Variants in SNTG1 observed in about 807,000 individuals in gnomAD.
The protein encoded by SNTG1 is syntrophin gamma 1.
In SNTG1, 39 loss-of-function variants were observed where a neutral mutation model predicts 74.7. That is an observed-to-expected ratio of 0.52 (90% confidence interval 0.40 to 0.68). The LOEUF is 0.68. Among genes scored for constraint, SNTG1 ranks in the 30% least tolerant of loss-of-function variants. SNTG1 has a pLI of 0.00. For missense variants in SNTG1, 685 were observed against 609.5 expected (o/e 1.12, Z -1.30); for synonymous variants, 254 against 217.1 (o/e 1.17, Z -1.49).
At chr8:50,353,592 T>C (rs2091733344) in intron 2 of SNTG1, among the ~76,000 whole-genome samples, 1 of 152,180 alleles carries the variant, frequency 6.6e-6, no homozygotes, top group Non-Finnish European at 1.5e-5. Flanking sequence ...ACAAGTGAGT[T>C]TGGGCTTTGC....
chr8:50,311,628 A>G (rs923984639), intron 2 of SNTG1, among the ~76,000 whole-genome samples: 1 of 152,208 alleles, frequency 6.6e-6, no homozygotes, highest in Non-Finnish European at 1.5e-5. Flanking sequence ...AATTCTGAAA[A>G]TATATTTCAA....
intron 1 of SNTG1, among the ~76,000 whole-genome samples, chr8:49,978,054 T>C (rs1398009414): frequency 6.6e-6 from 1 of 152,212 alleles, no homozygotes; most frequent in Non-Finnish European, 1.5e-5. Context: ...ACGGGGCCTG[T>C]TGCCAACCCA....
chr8:50,081,803 T>C (rs189345402), intron 1 of SNTG1, among the ~76,000 whole-genome samples: 1 of 152,198 alleles, frequency 6.6e-6, no homozygotes, highest in East Asian at 1.9e-4. Flanking sequence ...CCGACTAATT[T>C]TGTATTTTTA....
chr8:50,513,479 G>T (rs1224100895), intron 9 of SNTG1, among the ~76,000 whole-genome samples: 1 of 152,232 alleles, frequency 6.6e-6, no homozygotes, highest in African/African-American at 2.4e-5. Flanking sequence ...AGAGGATTCT[G>T]CTGCCTTTTG....
chr8:49,925,460 G>A (rs574652234), intron 1 of SNTG1, among the ~76,000 whole-genome samples: 2 of 152,106 alleles, frequency 1.3e-5, no homozygotes, highest in Non-Finnish European at 2.9e-5. Context: ...CTGTCTGTCT[G>A]TCTGTCTGTC....
chr8:50,070,403 A>T (rs1821265684), intron 1 of SNTG1, among the ~76,000 whole-genome samples: 1 of 152,202 alleles, frequency 6.6e-6, no homozygotes, highest in African/African-American at 2.4e-5. Context: ...TCCACTAAAA[A>T]CTAAAAGCAT....
At chr8:49,924,088 G>C (rs1485255124) in intron 1 of SNTG1, among the ~76,000 whole-genome samples, 1 of 152,030 alleles carries the variant, frequency 6.6e-6, no homozygotes, top group Non-Finnish European at 1.5e-5. Flanking sequence ...AATGAATAGG[G>C]TTAGTCTATC....
At chr8:50,700,663 T>C (rs2095420390) in intron 15 of SNTG1, among the ~76,000 whole-genome samples, 1 of 151,148 alleles carries the variant, frequency 6.6e-6, no homozygotes, top group Admixed American at 6.6e-5. Context: ...CTACAGTCTC[T>C]CCCTACAATA....
chr8:50,266,573 A>T (rs1369703084), intron 2 of SNTG1, among the ~76,000 whole-genome samples: 3 of 151,344 alleles, frequency 2.0e-5, no homozygotes, highest in African/African-American at 4.8e-5. Flanking sequence ...ATGAATAAAT[A>T]TAAATAAATT....
intron 8 of SNTG1, among the ~76,000 whole-genome samples, chr8:50,464,620 A>T (rs1035561129): frequency 4.6e-5 from 7 of 151,994 alleles, no homozygotes; most frequent in African/African-American, 1.7e-4. Context: ...AACAACTAAG[A>T]TCACCGATCA....
In SNTG1 at chr8:50,545,909, C is replaced by G. The variant is rs538687690; in HGVS notation, c.681-7141C>G. Reference sequence around the variant, plus strand: ...ACAATCTTAGCAAATGGGTCTCTAACAATAAAGCGAAATATGAATCTGACT... The same window carrying G: ...ACAATCTTAGCAAATGGGTCTCTAAGAATAAAGCGAAATATGAATCTGACT... On this transcript the variant is annotated intron_variant, in intron 11 of 18. Coordinates refer to ENST00000642720, the MANE Select transcript of SNTG1 (RefSeq NM_018967.5). 3.3e-5 allele frequency among the ~76,000 whole-genome samples: 5 copies of G among 152,036 alleles called. No individual in the cohort carries two copies. The South Asian group carries it at 1.0e-3, about 32-fold the overall frequency.
chr8:50,277,103 C>T (rs1333332538), intron 2 of SNTG1, among the ~76,000 whole-genome samples: 2 of 152,086 alleles, frequency 1.3e-5, no homozygotes, highest in Non-Finnish European at 2.9e-5. Context: ...GCTGGGATTA[C>T]AGGCGTGAGC....
intron 17 of SNTG1, among the ~76,000 whole-genome samples, chr8:50,745,593 G>C (rs1446893447): frequency 6.6e-6 from 1 of 151,950 alleles, no homozygotes; most frequent in Non-Finnish European, 1.5e-5. Context: ...GACTTAAACA[G>C]ATACTTGTAC....
intron 1 of SNTG1, among the ~76,000 whole-genome samples, chr8:49,974,414 T>G (rs1276618456): frequency 2.0e-5 from 3 of 152,326 alleles, no homozygotes; most frequent in African/African-American, 7.2e-5. Flanking sequence ...AACATCTGTT[T>G]TCCAGAAAAG....
chr8:50,555,684 A>G (rs1363368093), intron 12 of SNTG1, among the ~76,000 whole-genome samples: 1 of 152,186 alleles, frequency 6.6e-6, no homozygotes, highest in Non-Finnish European at 1.5e-5. Flanking sequence ...GTGCAGAAAT[A>G]AAAACATTGT....
Position 49,969,960 on chromosome 8 carries a change from G to T in SNTG1, c.-103+57729G>T, listed in dbSNP as rs186300723. ...TGTGTGTGTGTGTTTTCAGGCTGGT[G>T]TGCTATTGAATCCTTATAAAACAAG... On this transcript the variant is annotated intron_variant, in intron 1 of 18. Transcript: ENST00000642720. 3.6e-3 allele frequency among the ~76,000 whole-genome samples: 541 copies of T among 151,988 alleles called. 4 individuals are homozygous for T. The highest frequency in any genetic ancestry group is 0.012 in the African/African-American group (516 of 41,432).
chr8:50,186,492 A>G (rs1433365792), intron 2 of SNTG1, among the ~76,000 whole-genome samples: 1 of 152,162 alleles, frequency 6.6e-6, no homozygotes, highest in Non-Finnish European at 1.5e-5. Context: ...TCACACCAAC[A>G]GTGTAAAAAC....
At chr8:50,242,774 T>C (rs1178681806) in intron 2 of SNTG1, among the ~76,000 whole-genome samples, 1 of 150,100 alleles carries the variant, frequency 6.7e-6, no homozygotes, top group Non-Finnish European at 1.5e-5. Context: ...TTATCATATA[T>C]TATCTATTTA....
chr8:50,077,430 C>G (rs1821992055), intron 1 of SNTG1, among the ~76,000 whole-genome samples: 1 of 152,050 alleles, frequency 6.6e-6, no homozygotes, highest in Non-Finnish European at 1.5e-5. Context: ...CTGTTTTTCT[C>G]TTTGAGGATA....
Sources: gnomAD v4.1 joint callset for allele counts (sites outside exome capture counted in the v4.1 genomes callset) on GRCh38, gnomAD v4.1.1 for gene constraint, MANE v1.5 for transcripts, NCBI Gene and HGNC (gene_info 2026-07-23, HGNC 2026-07-21) for gene names.